Variants in CPM observed in about 807,000 individuals in gnomAD.
The protein encoded by CPM is renal carboxypeptidase.
CPM carries 35 observed loss-of-function variants against 46.4 expected under a neutral mutation model. The observed-to-expected ratio is 0.75, with a 90% confidence interval of 0.58 to 1.00. CPM has a LOEUF of 1.00. Ranked by LOEUF, CPM falls within the 50% of genes least tolerant of loss-of-function variation. CPM has a pLI of 0.00. For synonymous variants in CPM, 195 were observed against 195.3 expected, an observed-to-expected ratio of 1.00 and a Z score of 0.01; for missense variants, 422 against 530.4, an observed-to-expected ratio of 0.80 and a Z score of 2.01.
chr12:68,940,419 TC>T (rs1435416093), intron 1 of CPM, among the ~76,000 whole-genome samples: 1 of 150,756 alleles, frequency 6.6e-6, no homozygotes, highest in East Asian at 1.9e-4. Context: ...GCCCTAGTGA[TC>T]CCCTGTGCTC....
intron 2 of CPM, among the ~76,000 whole-genome samples, chr12:68,922,980 T>C (rs1592699021): frequency 6.6e-6 from 1 of 152,084 alleles, no homozygotes; most frequent in Non-Finnish European, 1.5e-5. Context: ...GCAGTGGCTG[T>C]TCACAGGTGC....
At chr12:68,882,097 A>G (rs1886221823) in intron 3 of CPM, among the ~76,000 whole-genome samples, 1 of 149,320 alleles carries the variant, frequency 6.7e-6, no homozygotes, top group African/African-American at 2.5e-5. Context: ...TTCTATAGGT[A>G]AATGTTACAA....
At chr12:68,901,952 C>T (rs1359089082) in intron 2 of CPM, among the ~76,000 whole-genome samples, 1 of 152,116 alleles carries the variant, frequency 6.6e-6, no homozygotes, top group African/African-American at 2.4e-5. Flanking sequence ...ACCTCTGTGT[C>T]ACCCAGCCTG....
intron 1 of CPM, among the ~76,000 whole-genome samples, chr12:68,938,172 A>G (rs545977638): frequency 3.1e-4 from 47 of 152,352 alleles, no homozygotes; most frequent in South Asian, 1.5e-3. Flanking sequence ...TTTTTCTTTG[A>G]AAGTGTCACA....
rs1884862872 is a variant in CPM, at chr12:68,854,320, T to C, written c.*2117A>G. 6.6e-6 allele frequency: 1 copy of C among 152,220 alleles called. No individual in the cohort carries two copies. Among genetic ancestry groups the C allele is most frequent in the South Asian group, 2.1e-4 (1 of 4,832 alleles). The allele number at this position is 152,220 out of a possible 1,614,324, so 9.4% of individuals were successfully genotyped here. A position where few individuals can be genotyped will look rare whatever the true frequency, so the allele number is the denominator to read the frequency against. ...ATTCAGTACCTACTATGTGCTAGGC[T>C]TTGAGGATATAACAATGAATTTTTC... On this transcript the variant is annotated 3_prime_UTR_variant, in exon 9 of 9. Coordinates refer to ENST00000551568, the MANE Select transcript of CPM (RefSeq NM_198320.5).
intron 4 of CPM, 130 bp downstream of exon 4, chr12:68,871,654 A>G: frequency 1.0e-6 from 1 of 995,500 alleles, no homozygotes; most frequent in Non-Finnish European, 1.5e-6. Context: ...GCTTTGGCAC[A>G]TCAGCGACAT....
intron 2 of CPM, among the ~76,000 whole-genome samples, chr12:68,903,833 C>T (rs536512144): frequency 2.3e-3 from 355 of 151,990 alleles, no homozygotes; most frequent in Non-Finnish European, 3.6e-3. Flanking sequence ...TCCCGCCGTC[C>T]GTCCCTCCGT....
upstream of CPM, among the ~76,000 whole-genome samples, chr12:68,933,667 C>T (rs1030497388): frequency 1.3e-5 from 2 of 152,188 alleles, no homozygotes; most frequent in South Asian, 4.1e-4. Context: ...CGGCGTCGGC[C>T]CCGGCAGGGC....
At chr12:68,955,973 A>T (rs75665579) in intron 1 of CPM, among the ~76,000 whole-genome samples, 1 of 152,218 alleles carries the variant, frequency 6.6e-6, no homozygotes, top group East Asian at 1.9e-4. Context: ...GGCTTCACTG[A>T]GTACCTGCCC....
chr12:68,866,059 G>A (rs550390809), intron 7 of CPM, among the ~76,000 whole-genome samples: 2 of 152,162 alleles, frequency 1.3e-5, no homozygotes, highest in Non-Finnish European at 2.9e-5. Context: ...CAAACAGGCT[G>A]GCAAGATTTC....
At chr12:68,922,812 T>C (rs1475916218) in intron 2 of CPM, among the ~76,000 whole-genome samples, 1 of 152,186 alleles carries the variant, frequency 6.6e-6, no homozygotes, top group African/African-American at 2.4e-5. Context: ...CAAATTCAAA[T>C]TAGGACTTAC....
intron 5 of CPM, chr12:68,844,303 GC>G (rs2136191020): frequency 4.5e-6 from 1 of 221,476 alleles, no homozygotes; most frequent in East Asian, 6.6e-5. Context: ...TTCTGGAATG[GC>G]CATGCCTGCC....
intron 2 of CPM, among the ~76,000 whole-genome samples, chr12:68,921,520 T>C (rs1024979059): frequency 6.6e-6 from 1 of 152,124 alleles, no homozygotes; most frequent in Admixed American, 6.5e-5. Context: ...ATTACATGTT[T>C]GGTCAGTGTT....
chr12:68,932,776 T>G lies in CPM; in HGVS notation c.62A>C (p.Asn21Thr). 6.2e-7 allele frequency: 1 copy of G among 1,614,124 alleles called. No homozygotes were observed. Among genetic ancestry groups the G allele is most frequent in the Non-Finnish European group, 8.5e-7 (1 of 1,179,988 alleles). ...LLPLVAALDF[N>T]YHRQEGMEAF... ...TTCCATCCCTTCCTGGCGGTGGTAG[T>G]TGAAATCCAGCGCAGCTACCAAAGG... Residue 21 changes from asparagine to threonine, a missense_variant, in exon 2 of 9, where the codon AAC becomes ACC. By Grantham distance (65) the Asn-to-Thr change is moderately conservative. Coordinates refer to ENST00000551568, the MANE Select transcript of CPM (RefSeq NM_198320.5).
intron 2 of CPM, among the ~76,000 whole-genome samples, chr12:68,922,134 A>T (rs1163694223): frequency 6.6e-6 from 1 of 152,204 alleles, no homozygotes; most frequent in Non-Finnish European, 1.5e-5. Flanking sequence ...TGCCCAGGGA[A>T]TAGAAAAAGG....
chr12:68,946,678 A>G (rs913913298), intron 1 of CPM, among the ~76,000 whole-genome samples: 1 of 152,232 alleles, frequency 6.6e-6, no homozygotes, highest in African/African-American at 2.4e-5. Flanking sequence ...ATTCCAGTCA[A>G]AGCCTTGGTA....
At chr12:68,937,338 A>G (rs1888688424), upstream of CPM, among the ~76,000 whole-genome samples, 1 of 152,256 alleles carries the variant, frequency 6.6e-6, no homozygotes, top group African/African-American at 2.4e-5. Context: ...TAGTGCCCAC[A>G]GCAGACATTT....
At chr12:68,921,620 G>A (rs973147871) in intron 2 of CPM, among the ~76,000 whole-genome samples, 9 of 152,140 alleles carry the variant, frequency 5.9e-5, no homozygotes, top group African/African-American at 2.2e-4. Context: ...CTGAAAGTCC[G>A]TAACTTCTCT....
At chr12:68,870,129 G>A in intron 5 of CPM, 86 bp downstream of exon 5, 7 of 1,337,890 alleles carry the variant, frequency 5.2e-6, no homozygotes, top group Non-Finnish European at 7.2e-6. Context: ...AAGAGGGGAA[G>A]GGAGAGCTGA....
Sources: gnomAD v4.1 joint callset for allele counts (sites outside exome capture counted in the v4.1 genomes callset) on GRCh38, gnomAD v4.1.1 for gene constraint, MANE v1.5 for transcripts, NCBI Gene and HGNC (gene_info 2026-07-23, HGNC 2026-07-21) for gene names.